GRIP1: variants seen among roughly 807,000 people sequenced by gnomAD.
GRIP1 encodes glutamate receptor-interacting protein 1.
Under a neutral mutation model 129.9 loss-of-function variants are expected in GRIP1, and 45 were observed. The ratio of observed to expected loss-of-function variants is 0.35; its 90% CI spans 0.27 to 0.44. GRIP1 has a LOEUF of 0.44. Ranked by LOEUF, GRIP1 falls within the 20% of genes least tolerant of loss-of-function variation. The probability of loss-of-function intolerance (pLI) is 1.00; values close to 1 mark genes in which losing one functional copy is unlikely to be tolerated. For missense variants in GRIP1, 1,196 were observed against 1,396.8 expected (o/e 0.86, Z 2.29); for synonymous variants, 530 against 520.8 (o/e 1.02, Z -0.24).
chr12:66,911,120 T>G (rs988853881), intron 1 of GRIP1, among the ~76,000 whole-genome samples: 1 of 152,216 alleles, frequency 6.6e-6, no homozygotes. Flanking sequence ...AAGCAAATTA[T>G]GCAAAACTCA....
chr12:66,764,785 ATCTCTTG>A (rs748842432), intron 1 of GRIP1, among the ~76,000 whole-genome samples: 1 of 136,268 alleles, frequency 7.3e-6, no homozygotes, highest in Non-Finnish European at 1.6e-5. Context: ...AAAGCCCCCT[ATCTCTTG>A]TCTGTTTTGC....
At chr12:66,789,900 T>C (rs1724013294) in intron 1 of GRIP1, among the ~76,000 whole-genome samples, 1 of 152,128 alleles carries the variant, frequency 6.6e-6, no homozygotes, top group African/African-American at 2.4e-5. Context: ...AAAGTTTCTA[T>C]CTTATAAAAA....
intron 1 of GRIP1, among the ~76,000 whole-genome samples, chr12:67,057,879 G>A (rs1167410743): frequency 6.6e-6 from 1 of 152,196 alleles, no homozygotes; most frequent in African/African-American, 2.4e-5. Context: ...TAACGAAAAT[G>A]TGCTCTGCAC....
intron 5 of GRIP1, among the ~76,000 whole-genome samples, chr12:66,526,269 C>T (rs1446116654): frequency 6.6e-6 from 1 of 151,870 alleles, no homozygotes; most frequent in Admixed American, 6.6e-5. Context: ...AGCTACCTGA[C>T]TTCAAACTAT....
At chr12:67,038,927 G>C (rs17780891) in intron 1 of GRIP1, among the ~76,000 whole-genome samples, 4,787 of 152,036 alleles carry the variant, frequency 0.031, 96 homozygotes, top group Non-Finnish European at 0.045. Context: ...ATGCCCTAAA[G>C]TACTAGGCAA....
chr12:66,723,310 T>C (rs67230557), intron 1 of GRIP1, among the ~76,000 whole-genome samples: 8,777 of 41,148 alleles, frequency 0.21, 968 homozygotes, highest in African/African-American at 0.31. Context: ...CTTTCTTTTT[T>C]TTTTTTTTTT....
chr12:66,687,188 G>A (rs1052125698), intron 1 of GRIP1, among the ~76,000 whole-genome samples: 2 of 152,090 alleles, frequency 1.3e-5, no homozygotes, highest in Non-Finnish European at 2.9e-5. Context: ...GTATCCTATC[G>A]AGTATATATT....
chr12:66,839,885 A>C (rs1434179729), intron 1 of GRIP1, among the ~76,000 whole-genome samples: 3 of 152,196 alleles, frequency 2.0e-5, no homozygotes, highest in Admixed American at 2.0e-4. Flanking sequence ...CCTCTGTACC[A>C]ATCTCTCTTA....
At chr12:66,402,437 A>G (rs1213021512) in intron 16 of GRIP1, among the ~76,000 whole-genome samples, 1 of 152,232 alleles carries the variant, frequency 6.6e-6, no homozygotes, top group Non-Finnish European at 1.5e-5. Flanking sequence ...ATTTGGGAAT[A>G]GTTCTACCAT....
intron 1 of GRIP1, among the ~76,000 whole-genome samples, chr12:66,912,760 T>G (rs1171837305): frequency 1.3e-5 from 2 of 152,248 alleles, no homozygotes; most frequent in African/African-American, 4.8e-5. Context: ...GGTATTTTTG[T>G]GGGGGCTACA....
At chr12:66,447,430 CA>C (rs2058662849) in intron 11 of GRIP1, among the ~76,000 whole-genome samples, 1 of 152,198 alleles carries the variant, frequency 6.6e-6, no homozygotes, top group Non-Finnish European at 1.5e-5. Flanking sequence ...TTTCATTCCA[CA>C]AAGGATTTGT....
chr12:66,834,232 G>T (rs1486374582), intron 1 of GRIP1, among the ~76,000 whole-genome samples: 1 of 143,680 alleles, frequency 7.0e-6, no homozygotes, highest in East Asian at 2.1e-4. Context: ...TCCTCATACA[G>T]ACTAATGAGT....
chr12:66,523,320 C>T, intron 5 of GRIP1, among the ~76,000 whole-genome samples: 1 of 147,902 alleles, frequency 6.8e-6, no homozygotes, highest in African/African-American at 2.5e-5. Context: ...ATCAGATTAA[C>T]AGCTGATCTC....
intron 1 of GRIP1, among the ~76,000 whole-genome samples, chr12:67,017,232 G>A (rs920764624): frequency 1.3e-5 from 2 of 151,782 alleles, no homozygotes; most frequent in Admixed American, 6.6e-5. Context: ...AAGAATCAGG[G>A]AGAGACTCAT....
intron 1 of GRIP1, among the ~76,000 whole-genome samples, chr12:66,600,232 C>T (rs2064219860): frequency 6.6e-6 from 1 of 152,176 alleles, no homozygotes; most frequent in African/African-American, 2.4e-5. Context: ...GTCAATATAG[C>T]TCACTGATCC....
intron 1 of GRIP1, among the ~76,000 whole-genome samples, chr12:66,925,773 T>C (rs888662847): frequency 6.6e-6 from 1 of 152,126 alleles, no homozygotes; most frequent in African/African-American, 2.4e-5. Context: ...GCCTCCCAAG[T>C]AGCTGGGATT....
intron 23 of GRIP1, among the ~76,000 whole-genome samples, chr12:66,365,337 TGAGGCAGGAGAATTGCTTGAACCTGG>T (rs1382603242): frequency 6.6e-6 from 1 of 152,178 alleles, no homozygotes; most frequent in African/African-American, 2.4e-5. Context: ...CTCAGGAGGC[TGAGGCAGGAGAATTGCTTGAACCTGG>T]GAGGCGGAGG....
intron 1 of GRIP1, among the ~76,000 whole-genome samples, chr12:66,871,411 C>A (rs1317172027): frequency 6.6e-6 from 1 of 152,092 alleles, no homozygotes; most frequent in Non-Finnish European, 1.5e-5. Flanking sequence ...ATCAGACTAC[C>A]TAGATCCACA....
chr12:66,506,080 G>GT (rs1280704740), intron 7 of GRIP1, among the ~76,000 whole-genome samples: 1 of 152,154 alleles, frequency 6.6e-6, no homozygotes, highest in Non-Finnish European at 1.5e-5. Flanking sequence ...ATGTGAAACT[G>GT]TTAGTGGGAG....
Sources: gnomAD v4.1 joint callset for allele counts (sites outside exome capture counted in the v4.1 genomes callset) on GRCh38, gnomAD v4.1.1 for gene constraint, MANE v1.5 for transcripts, NCBI Gene and HGNC (gene_info 2026-07-23, HGNC 2026-07-21) for gene names.